The following NAALADL2 variants were observed in gnomAD, a reference collection of about 807,000 sequenced individuals.
The protein encoded by NAALADL2 is N-acetylated alpha-linked acidic dipeptidase like 2.
Under a neutral mutation model 87.2 loss-of-function variants are expected in NAALADL2, and 76 were observed. The ratio of observed to expected loss-of-function variants is 0.87; its 90% CI spans 0.72 to 1.05. The LOEUF is 1.05. NAALADL2 is among the 50% of genes least tolerant of loss of function. The probability of loss-of-function intolerance (pLI) is 0.00; values close to 1 mark genes in which losing one functional copy is unlikely to be tolerated. For synonymous variants in NAALADL2, 354 were observed against 331.0 expected, an observed-to-expected ratio of 1.07 and a Z score of -0.75; for missense variants, 1,089 against 945.8, an observed-to-expected ratio of 1.15 and a Z score of -1.99.
In NAALADL2 at chr3:175,730,419, TATATATATATATATATATATATATAC is replaced by T. The variant is rs1427979301; in HGVS notation, c.1897-6885_1897-6860del. Among the ~76,000 whole-genome samples, 164 of 111,524 alleles carry T rather than the reference TATATATATATATATATATATATATAC, an allele frequency of 1.5e-3. 5 individuals carry two copies. The highest frequency in any genetic ancestry group is 4.6e-3 in the African/African-American group (131 of 28,770). The allele number at this position is 111,524 out of a possible 152,430, so 73.2% of individuals were successfully genotyped here. A position where few individuals can be genotyped will look rare whatever the true frequency, so the allele number is the denominator to read the frequency against. On this transcript the variant is annotated intron_variant, in intron 11 of 13. Coordinates refer to ENST00000454872, the MANE Select transcript of NAALADL2 (RefSeq NM_207015.3). ...AGATATATATATATATATATATATA[TATATATATATATATATATATATATAC>T]ACACATACACACGCACACACACACG...
intron 2 of NAALADL2, among the ~76,000 whole-genome samples, chr3:175,134,086 A>G (rs971314696): frequency 2.6e-5 from 4 of 152,174 alleles, no homozygotes; most frequent in African/African-American, 7.2e-5. Flanking sequence ...TCACACACAC[A>G]CATTTGCAGT....
chr3:174,697,557 G>T (rs2108871252), intron 2 of NAALADL2, among the ~76,000 whole-genome samples: 1 of 152,160 alleles, frequency 6.6e-6, no homozygotes, highest in East Asian at 1.9e-4. Flanking sequence ...AGCTGACAGG[G>T]TAATGACACA....
chr3:175,340,755 T>A (rs2080787), intron 5 of NAALADL2, among the ~76,000 whole-genome samples: 1 of 151,928 alleles, frequency 6.6e-6, no homozygotes, highest in Non-Finnish European at 1.5e-5. Context: ...TATCTGCTCC[T>A]TAAGAATGAC....
intron 3 of NAALADL2, among the ~76,000 whole-genome samples, chr3:174,811,373 A>C (rs546544406): frequency 3.5e-4 from 54 of 152,278 alleles, no homozygotes; most frequent in African/African-American, 1.2e-3. Context: ...ACAGGGATAG[A>C]GCCAAGGCCT....
At chr3:175,667,268 A>G (rs1733317652) in intron 11 of NAALADL2, among the ~76,000 whole-genome samples, 1 of 146,612 alleles carries the variant, frequency 6.8e-6, no homozygotes, top group Admixed American at 6.6e-5. Flanking sequence ...AAAGAAAGGA[A>G]GGAAGGGATG....
chr3:174,940,466 A>G (rs62286227), intron 1 of NAALADL2, among the ~76,000 whole-genome samples: 14,007 of 151,832 alleles, frequency 0.092, 956 homozygotes, highest in East Asian at 0.37. Flanking sequence ...TTGGCCTGAA[A>G]TTTTCTTTTT....
intron 4 of NAALADL2, among the ~76,000 whole-genome samples, chr3:175,258,182 C>T (rs927480602): frequency 2.0e-5 from 3 of 151,948 alleles, no homozygotes; most frequent in African/African-American, 7.3e-5. Context: ...GTGGCGGGCG[C>T]CTGTAGTCCC....
At chr3:174,899,096 G>C (rs1365237962) in intron 1 of NAALADL2, among the ~76,000 whole-genome samples, 3 of 152,120 alleles carry the variant, frequency 2.0e-5, no homozygotes, top group Non-Finnish European at 2.9e-5. Flanking sequence ...TTACAAAAAA[G>C]ATGCAAACTA....
intron 5 of NAALADL2, among the ~76,000 whole-genome samples, chr3:175,425,554 G>A (rs1395045332): frequency 6.6e-5 from 10 of 151,972 alleles, no homozygotes; most frequent in African/African-American, 2.4e-4. Context: ...TATAGCTGAG[G>A]TAAACATGAA....
intron 1 of NAALADL2, among the ~76,000 whole-genome samples, chr3:174,894,589 C>T (rs370743410): frequency 9.4e-4 from 45 of 48,006 alleles, no homozygotes; most frequent in African/African-American, 3.4e-3. Context: ...AGTGAAACTC[C>T]GTCTCAAAAA....
chr3:175,326,451 T>C (rs1420850249), intron 5 of NAALADL2, among the ~76,000 whole-genome samples: 1 of 152,238 alleles, frequency 6.6e-6, no homozygotes, highest in Non-Finnish European at 1.5e-5. Flanking sequence ...GCCTGTTCCT[T>C]TAAGTTCTTC....
rs1386225179 is a variant in NAALADL2 at position 175,571,239 on chromosome 3, T to A, written c.1654-4802T>A. Among the ~76,000 whole-genome samples the A allele has an allele frequency of 2.6e-5, 4 of 152,318 alleles. No homozygotes were observed. The East Asian group carries it at 7.7e-4, about 29-fold the overall frequency. ...GCATACAGATTTAGGACTGAGGTAG[T>A]GATTTCATTTCAGGTCTTCTATGGA... On this transcript the variant is annotated intron_variant, in intron 9 of 13. Coordinates refer to ENST00000454872, the MANE Select transcript of NAALADL2 (RefSeq NM_207015.3).
intron 1 of NAALADL2, among the ~76,000 whole-genome samples, chr3:175,010,049 G>A (rs1222974190): frequency 3.3e-5 from 5 of 152,004 alleles, no homozygotes; most frequent in Non-Finnish European, 1.5e-5. Context: ...ACTCCCAATG[G>A]CAAAGAGCAG....
chr3:175,700,911 G>A (rs1738902072), intron 11 of NAALADL2, among the ~76,000 whole-genome samples: 1 of 152,140 alleles, frequency 6.6e-6, no homozygotes, highest in African/African-American at 2.4e-5. Flanking sequence ...GAGCATTAGA[G>A]AGGAACCATC....
intron 2 of NAALADL2, among the ~76,000 whole-genome samples, chr3:175,140,358 C>T (rs1158654665): frequency 6.6e-6 from 1 of 152,062 alleles, no homozygotes; most frequent in Non-Finnish European, 1.5e-5. Flanking sequence ...GAGATCATGT[C>T]CCTGTCCTCA....
chr3:175,108,474 CTG>C (rs1219545761), intron 2 of NAALADL2, among the ~76,000 whole-genome samples: 2 of 151,936 alleles, frequency 1.3e-5, no homozygotes, highest in Admixed American at 1.3e-4. Flanking sequence ...TAAAATGAAA[CTG>C]ATCATTTTTC....
intron 2 of NAALADL2, among the ~76,000 whole-genome samples, chr3:174,691,601 A>G (rs1728589539): frequency 6.6e-6 from 1 of 152,150 alleles, no homozygotes. Flanking sequence ...TTAAAATAAG[A>G]CAACAGTAAA....
chr3:175,083,032 T>C (rs559492334), intron 1 of NAALADL2, among the ~76,000 whole-genome samples: 1 of 152,324 alleles, frequency 6.6e-6, no homozygotes. Context: ...CCTGGTTTAG[T>C]TTTCAACTCT....
chr3:174,940,736 G>A (rs1489098396), intron 1 of NAALADL2, among the ~76,000 whole-genome samples: 1 of 152,042 alleles, frequency 6.6e-6, no homozygotes, highest in Non-Finnish European at 1.5e-5. Flanking sequence ...TCCTGGTTCA[G>A]TCTTGAGAGG....
Sources: gnomAD v4.1 joint callset for allele counts (sites outside exome capture counted in the v4.1 genomes callset) on GRCh38, gnomAD v4.1.1 for gene constraint, MANE v1.5 for transcripts, NCBI Gene and HGNC (gene_info 2026-07-23, HGNC 2026-07-21) for gene names.